The following APOO variants were observed in gnomAD, a reference collection of about 807,000 sequenced individuals.
The protein encoded by APOO is apolipoprotein O.
A neutral mutation model predicts 23.1 loss-of-function variants in APOO; 11 were observed. That is an observed-to-expected ratio of 0.48 (90% CI 0.30 to 0.79). The LOEUF (loss-of-function observed/expected upper bound fraction) is 0.79, where lower values mean the gene tolerates loss of function less well. Among genes scored for constraint, APOO ranks in the 30% least tolerant of loss-of-function variants. The pLI, the probability that APOO is intolerant of heterozygous loss-of-function variation, is 0.07. For missense variants in APOO, 160 were observed against 142.7 expected, an observed-to-expected ratio of 1.12 and a Z score of -0.62; for synonymous variants, 59 against 54.8, an observed-to-expected ratio of 1.08 and a Z score of -0.34.
rs377708619 is a variant in APOO, at chrX:23,870,019, A to C, written c.293-1331T>G. Among the ~76,000 whole-genome samples, 67 of 111,461 alleles carry C rather than the reference A, an allele frequency of 6.0e-4. 1 individual carries two copies. Among genetic ancestry groups the C allele is most frequent in the African/African-American group, 1.9e-3 (59 of 30,679 alleles). ...AAAATAAGCATCCTTTGCCATCTGA[A>C]CTCATTACTCGAACAGAAGAACAGA... is the stretch of plus-strand genomic sequence containing the variant. On this transcript the variant is annotated intron_variant, in intron 4 of 8. Transcript: ENST00000379226.
intron 1 of APOO, among the ~76,000 whole-genome samples, chrX:23,887,336 C>T (rs12689147): frequency 0.068 from 6,647 of 97,745 alleles, 518 homozygotes; most frequent in African/African-American, 0.21. Context: ...TGGGTTCAAG[C>T]CATTCTCCTG....
At chrX:23,874,321 T>C in intron 4 of APOO, 82 bp downstream of exon 4, 1 of 851,136 alleles carries the variant, frequency 1.2e-6, no homozygotes, top group Non-Finnish European at 1.7e-6. Flanking sequence ...CACAGATTTC[T>C]TGGAGCTCAT....
chrX:23,845,995 G>A (rs1233440939), intron 7 of APOO, among the ~76,000 whole-genome samples: 1 of 112,099 alleles, frequency 8.9e-6, no homozygotes, highest in Non-Finnish European at 1.9e-5. Context: ...ACATACTGCT[G>A]TGTTTAGCTA....
chrX:23,892,698 G>A (rs1385714977), intron 1 of APOO, among the ~76,000 whole-genome samples: 2 of 106,138 alleles, frequency 1.9e-5, no homozygotes, highest in Admixed American at 1.0e-4. Flanking sequence ...AACCTGGGAG[G>A]TGGAGCTTGC....
rs142397778 is a variant in APOO, at chrX:23,880,917, G to C, written c.45C>G (p.Ser15Arg). The C allele has an allele frequency of 1.7e-6, 2 of 1,186,412 alleles. No homozygotes were observed. Among genetic ancestry groups the C allele is most frequent in the Non-Finnish European group, 1.1e-6 (1 of 885,444 alleles). The stretch of plus-strand genomic sequence containing the variant: ...CTGCATAGACTTTGAAGGTGAGCAA[G>C]CTCAGGCTGGCTGGCCCCACGGACC... ...IQRSVGPASL[S>R]LLTFKVYAAP... Residue 15 changes from serine to arginine, a missense_variant, in exon 2 of 9, where the codon AGC becomes AGG. Transcript: ENST00000379226.
chrX:23,873,749 G>A (rs1300420202), intron 4 of APOO, among the ~76,000 whole-genome samples: 1 of 111,545 alleles, frequency 9.0e-6, no homozygotes, highest in Non-Finnish European at 1.9e-5. Flanking sequence ...TGTTTATTTT[G>A]TTCTATCATG....
intron 7 of APOO, among the ~76,000 whole-genome samples, chrX:23,841,368 T>C (rs945049669): frequency 1.8e-5 from 2 of 108,871 alleles, no homozygotes; most frequent in South Asian, 8.1e-4. Context: ...AAGAGTATCC[T>C]GGTTTGCCGG....
At chrX:23,906,716 C>T (rs1169079159) in intron 1 of APOO, among the ~76,000 whole-genome samples, 1 of 112,246 alleles carries the variant, frequency 8.9e-6, no homozygotes, top group Non-Finnish European at 1.9e-5. Flanking sequence ...TTACACATAC[C>T]AACTTACTCC....
chrX:23,890,618 T>C (rs1926612696), intron 1 of APOO, among the ~76,000 whole-genome samples: 1 of 112,411 alleles, frequency 8.9e-6, no homozygotes, highest in Non-Finnish European at 1.9e-5. Flanking sequence ...TGCTTTTCAC[T>C]TTCAGTGCAG....
chrX:23,834,465 T>C (rs1017954363), intron 8 of APOO, among the ~76,000 whole-genome samples: 2 of 108,291 alleles, frequency 1.8e-5, no homozygotes, highest in East Asian at 5.8e-4. Context: ...AGATCCTCAA[T>C]TGGCTGTGTA....
chrX:23,851,481 C>T (rs1341174617), intron 7 of APOO, among the ~76,000 whole-genome samples: 3 of 112,223 alleles, frequency 2.7e-5, no homozygotes, highest in African/African-American at 9.7e-5. Context: ...GCGTGAGCCA[C>T]CGCGCCCCAC....
intron 7 of APOO, among the ~76,000 whole-genome samples, chrX:23,846,197 G>A (rs1049542979): frequency 9.2e-6 from 1 of 108,323 alleles, no homozygotes; most frequent in Non-Finnish European, 1.9e-5. Context: ...TGTAATCCCA[G>A]CTACTTGGGA....
chrX:23,871,801 G>T (rs905651588), intron 4 of APOO, among the ~76,000 whole-genome samples: 4 of 111,535 alleles, frequency 3.6e-5, no homozygotes, highest in African/African-American at 1.3e-4. Flanking sequence ...CTGGCAGAAT[G>T]GTGACTTAAA....
intron 3 of APOO, among the ~76,000 whole-genome samples, chrX:23,875,220 A>T (rs1037523841): frequency 2.9e-5 from 3 of 104,185 alleles, no homozygotes; most frequent in Admixed American, 1.1e-4. Flanking sequence ...ACTGCACTCC[A>T]GCCTGGGCGT....
chrX:23,858,788 C>T, intron 5 of APOO, 55 bp from the exon 6 acceptor site: 1 of 1,048,137 alleles, frequency 9.5e-7, no homozygotes. Context: ...CTCACCATCA[C>T]AATTTACCTT....
intron 1 of APOO, among the ~76,000 whole-genome samples, chrX:23,901,829 G>A (rs951134391): frequency 1.8e-5 from 2 of 112,252 alleles, no homozygotes. Context: ...TACAAATGAG[G>A]AAGCAGCTAC....
At chrX:23,872,169 CAAAGAAAGGGG>C (rs1925646724) in intron 4 of APOO, among the ~76,000 whole-genome samples, 1 of 111,183 alleles carries the variant, frequency 9.0e-6, no homozygotes, top group South Asian at 3.7e-4. Flanking sequence ...GGGTAAATCA[CAAAGAAAGGGG>C]AAAGAAGATA....
intron 1 of APOO, among the ~76,000 whole-genome samples, chrX:23,902,655 C>G (rs1425129952): frequency 2.7e-5 from 3 of 111,849 alleles, no homozygotes; most frequent in Non-Finnish European, 5.6e-5. Context: ...CCCCTAGTGA[C>G]CTGAAGATGA....
chrX:23,894,427 C>G (rs1180178304), intron 1 of APOO, among the ~76,000 whole-genome samples: 1 of 111,642 alleles, frequency 9.0e-6, no homozygotes, highest in East Asian at 2.8e-4. Flanking sequence ...CACACCCAAC[C>G]AAAATTTACT....
Sources: allele counts gnomAD v4.1 joint callset (sites outside exome capture counted in the v4.1 genomes callset), GRCh38; gene constraint gnomAD v4.1.1; transcripts MANE v1.5; gene names NCBI Gene and HGNC (gene_info 2026-07-23, HGNC 2026-07-21).